The following CADM2 variants were observed in gnomAD, a reference collection of about 807,000 sequenced individuals.
CADM2 encodes the protein immunoglobulin superfamily member 4D.
Under a neutral mutation model 49.8 loss-of-function variants are expected in CADM2, and 12 were observed. That is an observed-to-expected ratio of 0.24 (90% CI 0.15 to 0.39). CADM2 has a LOEUF of 0.39. Among genes scored for constraint, CADM2 ranks in the 10% least tolerant of loss-of-function variants. CADM2 has a pLI of 1.00. For synonymous variants in CADM2, 214 were observed against 175.4 expected, an observed-to-expected ratio of 1.22 and a Z score of -1.74; for missense variants, 378 against 492.3, an observed-to-expected ratio of 0.77 and a Z score of 2.20.
intron 1 of CADM2, among the ~76,000 whole-genome samples, chr3:85,654,284 T>C (rs2065135402): frequency 6.6e-6 from 1 of 152,172 alleles, no homozygotes; most frequent in Non-Finnish European, 1.5e-5. Context: ...GGAGAAAATG[T>C]CATGATATAA....
chr3:85,292,838 G>A (rs928449076), intron 1 of CADM2, among the ~76,000 whole-genome samples: 1 of 152,082 alleles, frequency 6.6e-6, no homozygotes, highest in Non-Finnish European at 1.5e-5. Flanking sequence ...GAGAAAGCAG[G>A]AAAGATCCAA....
intron 1 of CADM2, among the ~76,000 whole-genome samples, chr3:85,292,230 A>G (rs1275082798): frequency 6.7e-6 from 1 of 149,538 alleles, no homozygotes; most frequent in African/African-American, 2.6e-5. Context: ...ATTCAACAAG[A>G]AGAGCTAACT....
chr3:85,778,254 G>A (rs947424379), intron 2 of CADM2, among the ~76,000 whole-genome samples: 1 of 152,094 alleles, frequency 6.6e-6, no homozygotes, highest in Non-Finnish European at 1.5e-5. Flanking sequence ...GGAAGATAAA[G>A]AAGAATCCAT....
intron 1 of CADM2, among the ~76,000 whole-genome samples, chr3:85,489,418 G>T (rs2039566773): frequency 1.3e-5 from 2 of 151,958 alleles, no homozygotes; most frequent in South Asian, 2.1e-4. Flanking sequence ...ATATGGTAAG[G>T]TATTACAAGT....
At chr3:85,914,443 G>A (rs1423651135) in intron 6 of CADM2, among the ~76,000 whole-genome samples, 1 of 151,782 alleles carries the variant, frequency 6.6e-6, no homozygotes, top group Non-Finnish European at 1.5e-5. Flanking sequence ...TACATCAGTG[G>A]GTCTCTCAAA....
At chr3:85,531,503 C>A (rs1320934320) in intron 1 of CADM2, among the ~76,000 whole-genome samples, 1 of 152,154 alleles carries the variant, frequency 6.6e-6, no homozygotes, top group Non-Finnish European at 1.5e-5. Flanking sequence ...ATAATACATA[C>A]TAGTGTTTGA....
chr3:85,918,800 A>G (rs926901908), intron 6 of CADM2, among the ~76,000 whole-genome samples: 12 of 152,072 alleles, frequency 7.9e-5, no homozygotes, highest in Non-Finnish European at 1.8e-4. Flanking sequence ...TGAAAACTCA[A>G]ATTTGTCCTC....
chr3:85,590,795 G>T (rs2063085038), intron 1 of CADM2, among the ~76,000 whole-genome samples: 1 of 151,738 alleles, frequency 6.6e-6, no homozygotes, highest in Non-Finnish European at 1.5e-5. Context: ...TAAAGCAATT[G>T]ATCTTCAACA....
chr3:85,689,313 A>G (rs2066312147), intron 1 of CADM2, among the ~76,000 whole-genome samples: 2 of 152,240 alleles, frequency 1.3e-5, no homozygotes, highest in African/African-American at 4.8e-5. Context: ...AGTTCATTGT[A>G]TATAATTTTT....
At chr3:85,754,995 A>G (rs970191293) in intron 2 of CADM2, among the ~76,000 whole-genome samples, 1 of 152,224 alleles carries the variant, frequency 6.6e-6, no homozygotes, top group Non-Finnish European at 1.5e-5. Flanking sequence ...CAAGTTACAG[A>G]AACCCAGTTC....
chr3:85,047,498 A>C (rs1486630990), intron 1 of CADM2, among the ~76,000 whole-genome samples: 1 of 152,152 alleles, frequency 6.6e-6, no homozygotes. Flanking sequence ...TAGAAACAAA[A>C]TTAAGGAGCA....
At chr3:85,800,207 A>C (rs2071915735) in intron 2 of CADM2, 1 of 152,230 alleles carries the variant, frequency 6.6e-6, no homozygotes, top group Non-Finnish European at 1.5e-5. Context: ...TGCCTACTCA[A>C]GCCTCAGTAA....
At chr3:85,634,914 T>C (rs564059843) in intron 1 of CADM2, among the ~76,000 whole-genome samples, 2 of 152,086 alleles carry the variant, frequency 1.3e-5, no homozygotes, top group South Asian at 4.1e-4. Flanking sequence ...TATATGTGCA[T>C]ACATGTATTT....
At chr3:85,096,298 A>G (rs1176573999) in intron 1 of CADM2, among the ~76,000 whole-genome samples, 1 of 152,110 alleles carries the variant, frequency 6.6e-6, no homozygotes, top group Non-Finnish European at 1.5e-5. Flanking sequence ...GCAGCATAAC[A>G]TTTCTGCCAA....
chr3:85,371,677 G>GTATATATATA (rs1167720851), intron 1 of CADM2, among the ~76,000 whole-genome samples: 1 of 95,134 alleles, frequency 1.1e-5, no homozygotes, highest in African/African-American at 4.4e-5. Context: ...GTGTGTGTGT[G>GTATATATATA]TATATATATA....
intron 1 of CADM2, among the ~76,000 whole-genome samples, chr3:85,651,164 A>G (rs1392090117): frequency 6.6e-6 from 1 of 152,036 alleles, no homozygotes; most frequent in African/African-American, 2.4e-5. Context: ...GAATTATTTA[A>G]TTTATTTCAA....
chr3:85,939,468 A>AACACACACACAC (rs373804679), intron 7 of CADM2, among the ~76,000 whole-genome samples: 10,618 of 136,882 alleles, frequency 0.078, 486 homozygotes, highest in South Asian at 0.13. Context: ...AGTAAACGAA[A>AACACACACACAC]ACACACACAC....
intron 1 of CADM2, among the ~76,000 whole-genome samples, chr3:85,600,998 G>A (rs955388314): frequency 2.7e-5 from 4 of 150,040 alleles, no homozygotes; most frequent in Non-Finnish European, 5.9e-5. Flanking sequence ...TAGAAAGATA[G>A]ATAAATACCA....
At chr3:85,960,964 A>T (rs1577788384) in intron 7 of CADM2, among the ~76,000 whole-genome samples, 1 of 147,600 alleles carries the variant, frequency 6.8e-6, no homozygotes, top group South Asian at 2.1e-4. Context: ...GAATACTTAT[A>T]TATTTAATAT....
Sources: allele counts gnomAD v4.1 joint callset (sites outside exome capture counted in the v4.1 genomes callset), GRCh38; gene constraint gnomAD v4.1.1; transcripts MANE v1.5; gene names NCBI Gene and HGNC (gene_info 2026-07-23, HGNC 2026-07-21).